The following PTPRN2 variants were observed in gnomAD, a reference collection of about 807,000 sequenced individuals.
PTPRN2 encodes the protein protein tyrosine phosphatase receptor type N2.
PTPRN2 carries 74 observed loss-of-function variants against 118.8 expected under a neutral mutation model. That is an observed-to-expected ratio of 0.62 (90% confidence interval 0.52 to 0.76). The LOEUF (loss-of-function observed/expected upper bound fraction) is 0.76. Among genes scored for constraint, PTPRN2 ranks in the 30% least tolerant of loss-of-function variants. The pLI, the probability that PTPRN2 is intolerant of heterozygous loss-of-function variation, is 0.00. For missense variants in PTPRN2, 1,481 were observed against 1,394.4 expected (o/e 1.06, Z -0.99); for synonymous variants, 641 against 608.0 (o/e 1.05, Z -0.80).
At chr7:158,512,624 C>T (rs1037543063) in intron 1 of PTPRN2, among the ~76,000 whole-genome samples, 11 of 152,172 alleles carry the variant, frequency 7.2e-5, no homozygotes, top group African/African-American at 2.7e-4. Flanking sequence ...AAGGACATCC[C>T]CGCAGTAATG....
intron 13 of PTPRN2, among the ~76,000 whole-genome samples, chr7:157,679,601 C>T (rs1029668359): frequency 2.0e-5 from 3 of 152,226 alleles, no homozygotes; most frequent in African/African-American, 7.2e-5. Context: ...GTAATTCAAT[C>T]TCCTTACTGC....
In PTPRN2 at chr7:158,316,811, C is replaced by G. The variant is rs534450866; in HGVS notation, c.277+8G>C. On this transcript the variant is annotated splice_region_variant and intron_variant, in intron 3 of 22. Transcript: ENST00000389418. ...CAGCCGCCGAGCCTCGGCCCACGCC[C>G]GCCCTACCTGTGCCGGAAAGCTTCT... 1.1e-5 allele frequency: 17 copies of G among 1,590,178 alleles called. No individual in the cohort carries two copies. The East Asian group carries it at 3.6e-4, about 33-fold the overall frequency.
At position 157,604,294 on chromosome 7, in the gene PTPRN2, C is replaced by T. The variant is rs139331995; in HGVS notation, c.2345-219G>A. Among the ~76,000 whole-genome samples, 198 of 152,358 alleles carry T rather than the reference C, an allele frequency of 1.3e-3. 1 individual carries two copies. Among genetic ancestry groups the T allele is most frequent in the African/African-American group, 4.5e-3 (187 of 41,584 alleles). On this transcript the variant is annotated intron_variant, in intron 15 of 22. Coordinates refer to ENST00000389418, the MANE Select transcript of PTPRN2 (RefSeq NM_002847.5). ...GCTCCAGGGCCCACCCGCATCCTCT[C>T]CCAGGACTCTGCTCACACCCTTCTG... is the stretch of plus-strand genomic sequence containing the variant.
At chr7:158,137,422 A>T (rs180975083) in intron 7 of PTPRN2, among the ~76,000 whole-genome samples, 3 of 152,264 alleles carry the variant, frequency 2.0e-5, no homozygotes, top group Admixed American at 6.5e-5. Flanking sequence ...ATCTCAAAAA[A>T]TAAAATAAAA....
chr7:157,756,348 G>A (rs1028409226), intron 12 of PTPRN2, among the ~76,000 whole-genome samples: 4 of 151,420 alleles, frequency 2.6e-5, no homozygotes, highest in African/African-American at 9.7e-5. Context: ...AGGCTGGAGT[G>A]CAGTGGCGCG....
rs545057334 is a variant in PTPRN2 at position 158,326,955 on chromosome 7, GCA to G, written c.164-10025_164-10024del. ...TGCACACATACACATTTTCACACAT[GCA>G]CACACGCACACATTCACATGCACAT... On this transcript the variant is annotated intron_variant, in intron 2 of 22. Transcript: ENST00000389418. 1.4e-3 allele frequency among the ~76,000 whole-genome samples: 207 copies of G among 144,616 alleles called. 2 individuals are homozygous for G. The highest frequency in any genetic ancestry group is 5.1e-3 in the African/African-American group (196 of 38,616). The allele number at this position is 144,616 out of a possible 152,430, so 94.9% of individuals were successfully genotyped here.
intron 17 of PTPRN2, among the ~76,000 whole-genome samples, chr7:157,594,492 C>T (rs1222670971): frequency 6.6e-6 from 1 of 152,352 alleles, no homozygotes; most frequent in East Asian, 1.9e-4. Flanking sequence ...CTGGATTCTG[C>T]CGCATGGGTG....
chr7:157,705,011 T>C (rs1351451014), intron 12 of PTPRN2, among the ~76,000 whole-genome samples: 2 of 152,154 alleles, frequency 1.3e-5, no homozygotes, highest in African/African-American at 2.4e-5. Flanking sequence ...GTGAGCACCA[T>C]TAAAACCTGT....
intron 6 of PTPRN2, among the ~76,000 whole-genome samples, chr7:158,148,680 C>T (rs1175634651): frequency 4.9e-5 from 3 of 61,622 alleles, no homozygotes; most frequent in African/African-American, 5.6e-5. Flanking sequence ...CCCCATCTCA[C>T]GCCACATGCC....
chr7:158,090,230 A>G (rs976242220), intron 10 of PTPRN2, among the ~76,000 whole-genome samples: 1 of 114,552 alleles, frequency 8.7e-6, no homozygotes, highest in African/African-American at 2.8e-5. Flanking sequence ...TGCTGCCTAG[A>G]GCCCTCAGAG....
chr7:158,206,649 C>T (rs1406352832), intron 3 of PTPRN2, among the ~76,000 whole-genome samples: 1 of 152,052 alleles, frequency 6.6e-6, no homozygotes, highest in East Asian at 1.9e-4. Context: ...CCACAAAATT[C>T]TTCTAGATTG....
intron 12 of PTPRN2, among the ~76,000 whole-genome samples, chr7:157,783,479 A>T (rs577106816): frequency 6.7e-6 from 1 of 150,040 alleles, no homozygotes; most frequent in Admixed American, 6.7e-5. Flanking sequence ...AGGAGCTGAC[A>T]GCCCACAATC....
intron 2 of PTPRN2, among the ~76,000 whole-genome samples, chr7:158,470,629 T>C (rs1362487268): frequency 1.3e-5 from 2 of 152,180 alleles, no homozygotes; most frequent in African/African-American, 4.8e-5. Context: ...TCTAGCTCCT[T>C]GTTGTACCCT....
At chr7:157,659,202 G>T (rs994280578) in intron 13 of PTPRN2, among the ~76,000 whole-genome samples, 1 of 151,220 alleles carries the variant, frequency 6.6e-6, no homozygotes, top group Admixed American at 6.6e-5. Context: ...GGTGCTGTGG[G>T]AAGGGGCCCT....
At chr7:157,569,229 T>C (rs79679565) in intron 20 of PTPRN2, among the ~76,000 whole-genome samples, 3,805 of 152,350 alleles carry the variant, frequency 0.025, 158 homozygotes, top group African/African-American at 0.088. Flanking sequence ...CTCTTGCTTG[T>C]TCCCCCCTCT....
chr7:158,329,829 T>G (rs535999552), intron 2 of PTPRN2, among the ~76,000 whole-genome samples: 1 of 152,168 alleles, frequency 6.6e-6, no homozygotes, highest in Admixed American at 6.5e-5. Context: ...GGCTGTGTCC[T>G]CTACGGAGAC....
chr7:157,846,863 C>A (rs1808852733), intron 12 of PTPRN2, among the ~76,000 whole-genome samples: 1 of 151,184 alleles, frequency 6.6e-6, no homozygotes. Flanking sequence ...CTCTCTCACT[C>A]CATCACGTGT....
At chr7:158,147,335 C>A (rs12698159) in intron 6 of PTPRN2, among the ~76,000 whole-genome samples, 2 of 63,380 alleles carry the variant, frequency 3.2e-5, no homozygotes, top group East Asian at 4.4e-4. Flanking sequence ...TCCCCCTCAC[C>A]GACACCCCAT....
chr7:158,307,552 T>C (rs935508874), intron 3 of PTPRN2, among the ~76,000 whole-genome samples: 1 of 152,158 alleles, frequency 6.6e-6, no homozygotes. Context: ...CAAAACTAGA[T>C]GGAAAACATG....
Sources: gnomAD v4.1 joint callset for allele counts (sites outside exome capture counted in the v4.1 genomes callset) on GRCh38, gnomAD v4.1.1 for gene constraint, MANE v1.5 for transcripts, NCBI Gene and HGNC (gene_info 2026-07-23, HGNC 2026-07-21) for gene names.